B3GAT1: variants seen among roughly 807,000 people sequenced by gnomAD.
B3GAT1 encodes galactosylgalactosylxylosylprotein 3-beta-glucuronosyltransferase 1.
Under a neutral mutation model 28.4 loss-of-function variants are expected in B3GAT1, and 11 were observed. That is an observed-to-expected ratio of 0.39 (90% CI 0.24 to 0.64). B3GAT1 has a LOEUF of 0.64. B3GAT1 is among the 30% of genes least tolerant of loss of function. The pLI, the probability that B3GAT1 is intolerant of heterozygous loss-of-function variation, is 0.50. For missense variants in B3GAT1, 375 were observed against 491.0 expected, an observed-to-expected ratio of 0.76 and a Z score of 2.23; for synonymous variants, 255 against 223.1, an observed-to-expected ratio of 1.14 and a Z score of -1.27.
At chr11:134,401,877 T>C (rs11822935) in intron 1 of B3GAT1, among the ~76,000 whole-genome samples, 23,537 of 151,506 alleles carry the variant, frequency 0.16, 2,112 homozygotes, top group African/African-American at 0.24. Context: ...CAGCACATTC[T>C]TCTCTCCCCA....
At chr11:134,405,489 C>T (rs932703300) in intron 1 of B3GAT1, among the ~76,000 whole-genome samples, 13 of 152,330 alleles carry the variant, frequency 8.5e-5, no homozygotes, top group Non-Finnish European at 1.5e-4. Flanking sequence ...CCGCCTGTGG[C>T]CTGAAGGAGC....
intron 5 of B3GAT1, 27 bp downstream of exon 5, chr11:134,381,897 T>G: frequency 6.3e-7 from 1 of 1,578,846 alleles, no homozygotes; most frequent in Non-Finnish European, 8.7e-7. Flanking sequence ...CTGCCCAGTG[T>G]GTGGCCCACC....
chr11:134,388,495 G>C (rs1173499418), intron 1 of B3GAT1: 1 of 156,002 alleles, frequency 6.4e-6, no homozygotes, highest in Admixed American at 6.1e-5. Flanking sequence ...TTTAGATTTG[G>C]GGGCACATGT....
intron 5 of B3GAT1, among the ~76,000 whole-genome samples, chr11:134,381,366 A>C (rs1944118862): frequency 6.6e-6 from 1 of 152,234 alleles, no homozygotes; most frequent in South Asian, 2.1e-4. Flanking sequence ...TGCTCTCAGC[A>C]ACCTACTTCA....
chr11:134,384,121 G>A lies in B3GAT1; in HGVS notation c.180C>T (p.Asp60=). 6.3e-7 allele frequency: 1 copy of A among 1,586,430 alleles called. No homozygotes were observed. ...TGCGCACCACCTCCACGATGTCGCG[G>A]TCAGACGTGCAGTACTCCCTGGGGT... The part of the protein sequence containing the change: ...GADPREYCTS[D]RDIVEVVRTE... Residue 60 remains aspartate, a synonymous_variant, in exon 3 of 6, where the codon GAC becomes GAT. Coordinates refer to ENST00000312527, the MANE Select transcript of B3GAT1 (RefSeq NM_054025.3).
chr11:134,399,647 A>G (rs1219765484), intron 1 of B3GAT1, among the ~76,000 whole-genome samples: 4 of 152,122 alleles, frequency 2.6e-5, no homozygotes, highest in Non-Finnish European at 4.4e-5. Flanking sequence ...AGAATCCTGG[A>G]CCCTGGAAGC....
intron 2 of B3GAT1, 63 bp from the exon 3 acceptor site, chr11:134,384,251 CGGGACGCCACCCA>C (rs1944221372): frequency 8.1e-6 from 12 of 1,480,022 alleles, no homozygotes; most frequent in Non-Finnish European, 9.8e-6. Context: ...GGATTCAGAG[CGGGACGCCACCCA>C]CCCTGCCAGG....
At chr11:134,398,899 C>A (rs1426321161) in intron 1 of B3GAT1, among the ~76,000 whole-genome samples, 1 of 152,246 alleles carries the variant, frequency 6.6e-6, no homozygotes, top group Non-Finnish European at 1.5e-5. Flanking sequence ...CTTACACTTC[C>A]TGATCCAAAC....
chr11:134,384,107 T>C lies in B3GAT1; in HGVS notation c.194A>G (p.Glu65Gly). Residue 65 changes from glutamate (E) to glycine (G), a missense_variant, in exon 3 of 6, where the codon GAG (glutamate) becomes GGG (glycine). Physicochemically the swap from Glu to Gly is moderately conservative, Grantham distance 98. Coordinates refer to ENST00000312527, the MANE Select transcript of B3GAT1 (RefSeq NM_054025.3). ...GTACACGTACTCGGTGCGCACCACCTCCACGATGTCGCGGTCAGACGTGCA... is the reference window on the plus strand; with the variant it reads ...GTACACGTACTCGGTGCGCACCACCCCCACGATGTCGCGGTCAGACGTGCA... ...EYCTSDRDIV[E>G]VVRTEYVYTR... is the part of the protein sequence containing the mutation. The C allele has an allele frequency of 6.3e-7, 1 of 1,589,530 alleles. No homozygotes were observed. The highest frequency in any genetic ancestry group is 8.6e-7 in the Non-Finnish European group (1 of 1,168,448).
At chr11:134,403,664 A>T (rs1158089970) in intron 1 of B3GAT1, among the ~76,000 whole-genome samples, 1 of 152,170 alleles carries the variant, frequency 6.6e-6, no homozygotes, top group African/African-American at 2.4e-5. Context: ...CTTTTGCTCC[A>T]CAGCCTGACA....
intron 1 of B3GAT1, among the ~76,000 whole-genome samples, chr11:134,400,543 C>T (rs775653914): frequency 3.9e-5 from 6 of 152,210 alleles, no homozygotes; most frequent in Non-Finnish European, 8.8e-5. Flanking sequence ...TAAGATTCAG[C>T]GGATGGCTAG....
Position 134,383,014 on chromosome 11 carries a change from G to T in B3GAT1, c.622-8C>A, listed in dbSNP as rs747278356. ...CCTCCTGGTGCTGCGCATCTACAAG[G>T]GGGGGGTCCAGAGTCAGGGCGCCGG... On this transcript the variant is annotated splice_polypyrimidine_tract_variant and splice_region_variant and intron_variant, in intron 3 of 5. Transcript: ENST00000312527. The T allele has an allele frequency of 5.8e-6, 9 of 1,542,360 alleles. No homozygotes were observed. The highest frequency in any genetic ancestry group is 4.1e-5 in the African/African-American group (3 of 73,502).
At position 134,395,063 on chromosome 11, in the gene B3GAT1, A is replaced by C. The variant is rs71489005; in HGVS notation, c.-281-7123T>G. 8.6e-3 allele frequency among the ~76,000 whole-genome samples: 1,306 copies of C among 152,312 alleles called. 5 individuals are homozygous for C. Among genetic ancestry groups the C allele is most frequent in the Middle Eastern group, 0.014 (4 of 294 alleles). ...CTGTTGGCCCCGGCTGGTGTCACTG[A>C]AGTTCCCTGAATCATGTAGCTAGTG... is the stretch of plus-strand genomic sequence containing the variant. On this transcript the variant is annotated intron_variant, in intron 1 of 5. Transcript: ENST00000312527.
At chr11:134,409,328 G>C (rs568295433) in intron 1 of B3GAT1, among the ~76,000 whole-genome samples, 3 of 152,130 alleles carry the variant, frequency 2.0e-5, no homozygotes, top group African/African-American at 7.2e-5. Context: ...CTGGGGAGGG[G>C]GTGCATGACT....
At chr11:134,400,092 G>A (rs559900808) in intron 1 of B3GAT1, among the ~76,000 whole-genome samples, 2 of 152,244 alleles carry the variant, frequency 1.3e-5, no homozygotes, top group African/African-American at 4.8e-5. Flanking sequence ...GTGAGGTGCT[G>A]GCGAGGGGAG....
chr11:134,383,548 G>C, intron 3 of B3GAT1, 132 bp downstream of exon 3: 1 of 1,230,778 alleles, frequency 8.1e-7, no homozygotes, highest in Non-Finnish European at 1.1e-6. Context: ...GCTCTCTGCT[G>C]CCTGCCCCGC....
In B3GAT1 at chr11:134,393,088, C is replaced by T. The variant is rs186821069; in HGVS notation, c.-281-5148G>A. On this transcript the variant is annotated intron_variant, in intron 1 of 5. Transcript: ENST00000312527. This position sits in a 1 kb window ranked among gnomAD's most constrained non-coding sequence, Gnocchi z 4.0. ...CAAAATGTTCCCAAAGGCCTGCATGCGTGTGCGTGGTAGGTTACAAACAAG... is the reference window on the plus strand; with the variant it reads ...CAAAATGTTCCCAAAGGCCTGCATGTGTGTGCGTGGTAGGTTACAAACAAG... 1.8e-4 allele frequency among the ~76,000 whole-genome samples: 28 copies of T among 152,250 alleles called. No individual in the cohort carries two copies. Among genetic ancestry groups the T allele is most frequent in the African/African-American group, 4.3e-4 (18 of 41,542 alleles).
chr11:134,384,238 C>A, intron 2 of B3GAT1, 50 bp from the exon 3 acceptor site: 1 of 1,504,376 alleles, frequency 6.6e-7, no homozygotes, highest in Non-Finnish European at 8.8e-7. Flanking sequence ...CGGCTACGGC[C>A]CTGGATTCAG....
chr11:134,396,357 G>C (rs1344786428), intron 1 of B3GAT1, among the ~76,000 whole-genome samples: 2 of 152,124 alleles, frequency 1.3e-5, no homozygotes, highest in Non-Finnish European at 2.9e-5. Context: ...TGAGGGTGAC[G>C]GCAGAACCCA....
Sources: allele counts gnomAD v4.1 joint callset (sites outside exome capture counted in the v4.1 genomes callset), GRCh38; gene constraint gnomAD v4.1.1; non-coding constraint Gnocchi (gnomAD v3.1); transcripts MANE v1.5; gene names NCBI Gene and HGNC (gene_info 2026-07-23, HGNC 2026-07-21).